Variants in SPEN observed in about 807,000 individuals in gnomAD.
The protein encoded by SPEN is msx2-interacting protein.
A neutral mutation model predicts 269.9 loss-of-function variants in SPEN; 18 were observed. That is an observed-to-expected ratio of 0.07 (90% CI 0.05 to 0.10). The LOEUF is 0.10. Ranked by LOEUF, SPEN falls within the 10% of genes least tolerant of loss-of-function variation. The pLI is 1.00. For synonymous variants in SPEN, 1,726 were observed against 1,765.7 expected (o/e 0.98, Z 0.56); for missense variants, 3,822 against 4,631.2 (o/e 0.83, Z 5.07).
At chr1:15,923,903 C>T (rs1178059956) in intron 10 of SPEN, among the ~76,000 whole-genome samples, 1 of 152,092 alleles carries the variant, frequency 6.6e-6, no homozygotes, top group Non-Finnish European at 1.5e-5. Flanking sequence ...CTCCTGACCT[C>T]GTGATCCGCC....
chr1:15,913,204 C>T (rs2071026089), intron 5 of SPEN, among the ~76,000 whole-genome samples: 1 of 152,030 alleles, frequency 6.6e-6, no homozygotes. Flanking sequence ...TTCAAAGATC[C>T]AAATCCAAGA....
intron 5 of SPEN, among the ~76,000 whole-genome samples, chr1:15,913,870 A>C (rs1184483190): frequency 6.6e-6 from 1 of 152,046 alleles, no homozygotes; most frequent in Admixed American, 6.6e-5. Context: ...GGGGGAGAAA[A>C]AAAGAAAGAA....
chr1:15,916,327 C>T (rs1570044007), intron 6 of SPEN, 48 bp downstream of exon 6: 2 of 1,565,696 alleles, frequency 1.3e-6, no homozygotes, highest in Non-Finnish European at 1.7e-6. Context: ...TGTCATAACA[C>T]ATAAAGCATA....
intron 3 of SPEN, among the ~76,000 whole-genome samples, chr1:15,887,275 A>T (rs1394514201): frequency 1.3e-5 from 1 of 75,632 alleles, no homozygotes; most frequent in Non-Finnish European, 2.4e-5. Flanking sequence ...GCCTGGCCTG[A>T]ATTTTTTTTT....
In SPEN at chr1:15,938,852, C is replaced by T. The variant is rs369996362; in HGVS notation, c.10839C>T (p.Asn3613=). The T allele has an allele frequency of 2.5e-6, 4 of 1,613,922 alleles. No homozygotes were observed. The highest frequency in any genetic ancestry group is 1.7e-5 in the Admixed American group (1 of 60,000). The change falls in exon 14 of 15, where the codon AAC becomes AAT. Residue 3613 remains asparagine, a synonymous_variant. Transcript: ENST00000375759. ...CCAAGCAGGCGGCAGGGATCATCAA[C>T]GTTCCCAACCCTGGCTCCAATCAGG... ...LQAKQAAGII[N]VPNPGSNQPA...
rs918161020 is a variant in SPEN, at chr1:15,933,444, C to G, written c.7204C>G (p.Leu2402Val). 3 of 1,614,026 alleles carry G rather than the reference C, an allele frequency of 1.9e-6. No homozygotes were observed. Among genetic ancestry groups the G allele is most frequent in the Non-Finnish European group, 2.5e-6 (3 of 1,180,044 alleles). Residue 2402 changes from leucine to valine, a missense_variant, in exon 11 of 15, where the codon CTA becomes GTA. This residue lies in a region of SPEN where 727 missense variants were observed against 737.9 expected (regional missense o/e 0.99). Coordinates refer to ENST00000375759, the MANE Select transcript of SPEN (RefSeq NM_015001.3). The surrounding 1 kb of genome is among the most constrained non-coding windows in gnomAD (Gnocchi z 5.7). ...STPPQSCTSDLSKIPSTENSS... is the reference protein window; with the variant it reads ...STPPQSCTSDVSKIPSTENSS... ...TCCTCCTCAGTCATGTACTTCTGAC[C>G]TAAGCAAGATTCCCTCCACAGAGAA...
chr1:15,927,666 G>A (rs936120052), intron 10 of SPEN, among the ~76,000 whole-genome samples: 3 of 152,134 alleles, frequency 2.0e-5, no homozygotes, highest in Non-Finnish European at 2.9e-5. Flanking sequence ...CAACGCCGGA[G>A]TTACCAGAAA....
Position 15,929,910 on chromosome 1 carries a change from C to T in SPEN, c.3670C>T (p.Pro1224Ser), listed in dbSNP as rs2071204461. The change falls in exon 11 of 15, where the codon CCT becomes TCT. Residue 1224 changes from proline (P) to serine (S), a missense_variant. Pro to Ser is a moderately conservative substitution (Grantham distance 74). Coordinates refer to ENST00000375759, the MANE Select transcript of SPEN (RefSeq NM_015001.3). The surrounding 1 kb of genome is among the most constrained non-coding windows in gnomAD (Gnocchi z 5.8). ...PPQDVTDDSPPSKKKRMDHVD... is the reference protein window; with the variant it reads ...PPQDVTDDSPSSKKKRMDHVD... ...TCAAGATGTCACTGATGACTCTCCTCCTAGCAAAAAGAAAAGGATGGATCA... is the reference window on the plus strand; with the variant it reads ...TCAAGATGTCACTGATGACTCTCCTTCTAGCAAAAAGAAAAGGATGGATCA... 1 of 1,614,020 alleles carries T rather than the reference C, an allele frequency of 6.2e-7. No individual in the cohort carries two copies. The highest frequency in any genetic ancestry group is 1.3e-5 in the African/African-American group (1 of 74,948).
rs777664094 is a variant in SPEN at position 15,937,839 on chromosome 1, C to T, written c.10537C>T (p.Leu3513=). Residue 3513 remains leucine (L), a synonymous_variant, in exon 13 of 15, where the codon CTG becomes TTG. Coordinates refer to ENST00000375759, the MANE Select transcript of SPEN (RefSeq NM_015001.3). The surrounding 1 kb of genome is among the most constrained non-coding windows in gnomAD (Gnocchi z 5.7). ...KKYPIVWQGL[L]ALKNDTAAVQ... Reference sequence around the variant, plus strand: ...GTACCCCATCGTGTGGCAGGGCCTGCTGGCCCTCAAGAATGACACAGCTGC... The same window carrying T: ...GTACCCCATCGTGTGGCAGGGCCTGTTGGCCCTCAAGAATGACACAGCTGC... 2 of 1,613,910 alleles carry T rather than the reference C, an allele frequency of 1.2e-6. No homozygotes were observed. The highest frequency in any genetic ancestry group is 1.7e-6 in the Non-Finnish European group (2 of 1,179,958).
chr1:15,905,862 C>T (rs751848541), intron 3 of SPEN, among the ~76,000 whole-genome samples: 2 of 152,190 alleles, frequency 1.3e-5, no homozygotes, highest in African/African-American at 4.8e-5. Context: ...CATGAGCTAC[C>T]GTGCTCGGCC....
At chr1:15,921,037 C>T in intron 9 of SPEN, 54 bp downstream of exon 9, 10 of 1,225,834 alleles carry the variant, frequency 8.2e-6, no homozygotes, top group Non-Finnish European at 1.2e-5. Context: ...CAAATCTCAC[C>T]CTCTTGGGCT....
At chr1:15,860,539 G>A (rs2070437164) in intron 1 of SPEN, among the ~76,000 whole-genome samples, 1 of 150,256 alleles carries the variant, frequency 6.7e-6, no homozygotes, top group African/African-American at 2.4e-5. Flanking sequence ...ATATCCTCCC[G>A]CCTCAGCCTC....
chr1:15,888,933 C>G (rs1210138531), intron 3 of SPEN, among the ~76,000 whole-genome samples: 2 of 151,564 alleles, frequency 1.3e-5, no homozygotes, highest in East Asian at 2.0e-4. Context: ...CCCGGCCAAT[C>G]ATTTTTACTT....
At chr1:15,886,981 T>G (rs1029697364) in intron 3 of SPEN, among the ~76,000 whole-genome samples, 2 of 152,132 alleles carry the variant, frequency 1.3e-5, no homozygotes, top group Non-Finnish European at 2.9e-5. Context: ...TCTGGATGAT[T>G]GATTGGTTGA....
At chr1:15,859,929 T>TTTTTTTTTTA (rs2070427002) in intron 1 of SPEN, among the ~76,000 whole-genome samples, 1 of 143,294 alleles carries the variant, frequency 7.0e-6, no homozygotes, top group African/African-American at 2.6e-5. Context: ...TTTTTTTTTT[T>TTTTTTTTTTA]GAGACGGAGT....
chr1:15,883,753 A>G (rs1195310695), intron 3 of SPEN, among the ~76,000 whole-genome samples: 2 of 151,914 alleles, frequency 1.3e-5, no homozygotes, highest in African/African-American at 2.4e-5. Context: ...AAGTATATCA[A>G]AAGTTATCTA....
intron 3 of SPEN, among the ~76,000 whole-genome samples, chr1:15,905,193 C>CATTTTT (rs1036979680): frequency 2.5e-4 from 38 of 150,018 alleles, no homozygotes; most frequent in South Asian, 1.1e-3. Flanking sequence ...CAGCCATCTC[C>CATTTTT]ATTTTTATTT....
intron 3 of SPEN, among the ~76,000 whole-genome samples, chr1:15,897,137 C>T (rs1327124573): frequency 6.6e-6 from 1 of 152,024 alleles, no homozygotes; most frequent in Admixed American, 6.6e-5. Context: ...TTCTGATGAC[C>T]GGAGAAATCT....
chr1:15,891,185 T>G (rs944816621), intron 3 of SPEN, among the ~76,000 whole-genome samples: 10 of 152,070 alleles, frequency 6.6e-5, no homozygotes, highest in African/African-American at 2.4e-4. Context: ...TGGAAATAAT[T>G]GCTATGAAAA....
Sources: gnomAD v4.1 joint callset for allele counts (sites outside exome capture counted in the v4.1 genomes callset) on GRCh38, gnomAD v4.1.1 for gene constraint, gnomAD v4.1.1 regional missense constraint, Gnocchi (gnomAD v3.1) non-coding constraint, MANE v1.5 for transcripts, NCBI Gene and HGNC (gene_info 2026-07-23, HGNC 2026-07-21) for gene names.